ZNF577: variants seen among roughly 807,000 people sequenced by gnomAD.
ZNF577 encodes zinc finger protein 577.
A neutral mutation model predicts 13.9 loss-of-function variants in ZNF577; 14 were observed. The observed-to-expected ratio is 1.00, with a 90% confidence interval of 0.66 to 1.57. ZNF577 has a LOEUF of 1.57. Ranked by LOEUF, ZNF577 falls within the 40% of genes most tolerant of loss-of-function variation. The pLI is 0.00. For synonymous variants in ZNF577, 203 were observed against 202.9 expected (o/e 1.00, Z 0.00); for missense variants, 555 against 579.2 (o/e 0.96, Z 0.43).
intron 9 of ZNF577, among the ~76,000 whole-genome samples, chr19:51,833,231 G>A (rs2084269380): frequency 6.6e-6 from 1 of 151,956 alleles, no homozygotes; most frequent in African/African-American, 2.4e-5. Context: ...CTCCTACTCT[G>A]TGGCCTGGGA....
At chr19:51,864,011 A>G (rs2084532354), downstream of ZNF577, among the ~76,000 whole-genome samples, 1 of 152,256 alleles carries the variant, frequency 6.6e-6, no homozygotes, top group Non-Finnish European at 1.5e-5. Context: ...TTGTGCTAAC[A>G]GTAACAGGAT....
chr19:51,853,583 G>C (rs1001912935), intron 5 of ZNF577, among the ~76,000 whole-genome samples: 6 of 152,300 alleles, frequency 3.9e-5, no homozygotes, highest in Admixed American at 1.3e-4. Flanking sequence ...TCAGCTTCAA[G>C]AACAGGTAAC....
Position 51,873,098 on chromosome 19 carries a change from A to T in ZNF577, c.892T>A (p.Tyr298Asn). ...GTTCTTCCACAATCACTGCATTTAT[A>T]AGGCTTATCTCCTGTGTGAAGTCTC... ...HQRLHTGDKP[Y>N]KCSDCGRTFY... The change falls in exon 6 of 6, where the codon TAT becomes AAT. Residue 298 changes from tyrosine to asparagine, a missense_variant. Physicochemically the swap from Tyr to Asn is moderately radical, Grantham distance 143 (BLOSUM62 -2). Transcript: ENST00000638348. The T allele has an allele frequency of 6.2e-7, 1 of 1,614,182 alleles. No homozygotes were observed. The highest frequency in any genetic ancestry group is 8.5e-7 in the Non-Finnish European group (1 of 1,180,044).
intron 9 of ZNF577, among the ~76,000 whole-genome samples, chr19:51,827,870 A>G (rs1412430024): frequency 6.6e-6 from 1 of 152,200 alleles, no homozygotes; most frequent in African/African-American, 2.4e-5. Context: ...CATGAATATC[A>G]GGCAATCCTG....
At position 51,871,830 on chromosome 19, in the gene ZNF577, C is replaced by A. The variant is rs1167906064; in HGVS notation, c.*702G>T. On this transcript the variant is annotated 3_prime_UTR_variant, in exon 6 of 6. Transcript: ENST00000638348. Reference sequence around the variant, plus strand: ...GAAGCTGGAAGGGCAAAGAAAGACGCTCCCCTAGAGCCTCCAAAAAGAAAA... The same window carrying A: ...GAAGCTGGAAGGGCAAAGAAAGACGATCCCCTAGAGCCTCCAAAAAGAAAA... The A allele has an allele frequency of 6.6e-6, 1 of 152,152 alleles. No homozygotes were observed. The highest frequency in any genetic ancestry group is 2.4e-5 in the African/African-American group (1 of 41,432). 9.4% of individuals were successfully genotyped at this position (152,152 alleles called of 1,614,324 possible).
chr19:51,885,390 G>A (rs901997071), intron 1 of ZNF577, among the ~76,000 whole-genome samples: 2 of 152,110 alleles, frequency 1.3e-5, no homozygotes, highest in Non-Finnish European at 2.9e-5. Flanking sequence ...CTTTTTGTCT[G>A]CCTGTTCTCT....
intron 5 of ZNF577, among the ~76,000 whole-genome samples, chr19:51,847,155 AG>A (rs2084357150): frequency 6.6e-6 from 1 of 152,352 alleles, no homozygotes; most frequent in East Asian, 1.9e-4. Context: ...GCACACACAT[AG>A]CATTTATGAC....
intron 10 of ZNF577, among the ~76,000 whole-genome samples, chr19:51,807,870 T>C (rs145295159): frequency 8.1e-4 from 123 of 152,372 alleles, no homozygotes; most frequent in African/African-American, 2.8e-3. Flanking sequence ...TTGTGACCTA[T>C]GCCTGCCCAT....
chr19:51,833,888 C>A (rs7248523), intron 9 of ZNF577, among the ~76,000 whole-genome samples: 1 of 151,734 alleles, frequency 6.6e-6, no homozygotes, highest in Non-Finnish European at 1.5e-5. Context: ...TAGTTCACAT[C>A]GTAATTGTAC....
intron 9 of ZNF577, chr19:51,823,686 G>A: frequency 1.5e-6 from 2 of 1,338,728 alleles, no homozygotes; most frequent in East Asian, 2.3e-5. Flanking sequence ...ATGAATAGTT[G>A]TATTGTAAGA....
At chr19:51,855,367 C>CTGTGTGTGTGTGTATGTGTGTGTG (rs1555745556) in intron 5 of ZNF577, among the ~76,000 whole-genome samples, 20 of 143,560 alleles carry the variant, frequency 1.4e-4, no homozygotes, top group African/African-American at 5.0e-4. Flanking sequence ...GCTGAGGGTG[C>CTGTGTGTGTGTGTATGTGTGTGTG]TGTGTGTGTG....
intron 1 of ZNF577, among the ~76,000 whole-genome samples, chr19:51,883,478 T>A (rs1437012402): frequency 6.6e-6 from 1 of 152,098 alleles, no homozygotes; most frequent in African/African-American, 2.4e-5. Context: ...CAGTTTTTCC[T>A]TTTAATTAAG....
intron 10 of ZNF577, among the ~76,000 whole-genome samples, chr19:51,808,593 C>T (rs2084076267): frequency 6.6e-6 from 1 of 152,156 alleles, no homozygotes; most frequent in South Asian, 2.1e-4. Context: ...AACAGGTTCT[C>T]TTTGATTAAT....
At chr19:51,883,427 A>G (rs2084894711) in intron 1 of ZNF577, among the ~76,000 whole-genome samples, 1 of 152,034 alleles carries the variant, frequency 6.6e-6, no homozygotes, top group Non-Finnish European at 1.5e-5. Context: ...TCCCAGCCTC[A>G]TGGTATAGTT....
At chr19:51,839,257 G>A (rs1462261155) in intron 9 of ZNF577, among the ~76,000 whole-genome samples, 2 of 152,146 alleles carry the variant, frequency 1.3e-5, no homozygotes, top group African/African-American at 4.8e-5. Context: ...AGCCAGGCGT[G>A]GTTGAGCATG....
chr19:51,856,107 G>A (rs1378734666), intron 5 of ZNF577: 1 of 152,168 alleles, frequency 6.6e-6, no homozygotes, highest in Non-Finnish European at 1.5e-5. Context: ...AAAATTGACT[G>A]TGATGATGTT....
intron 5 of ZNF577, among the ~76,000 whole-genome samples, chr19:51,849,440 T>C (rs984431230): frequency 1.3e-5 from 2 of 152,092 alleles, no homozygotes; most frequent in Admixed American, 1.3e-4. Flanking sequence ...GAATTCTACT[T>C]TCATACCACT....
exon 11 of ZNF577, chr19:51,805,244 G>A (rs897044387): frequency 4.6e-5 from 7 of 152,154 alleles, no homozygotes; most frequent in South Asian, 2.1e-4. Flanking sequence ...CGGTCCATCC[G>A]ATTTTACAGA....
chr19:51,820,963 G>C (rs17695224), intron 9 of ZNF577, among the ~76,000 whole-genome samples: 1 of 152,100 alleles, frequency 6.6e-6, no homozygotes, highest in Non-Finnish European at 1.5e-5. Flanking sequence ...TGGCATGTGA[G>C]TAATGTTCAT....
Sources: allele counts gnomAD v4.1 joint callset (sites outside exome capture counted in the v4.1 genomes callset), GRCh38; gene constraint gnomAD v4.1.1; transcripts MANE v1.5; gene names NCBI Gene and HGNC (gene_info 2026-07-23, HGNC 2026-07-21).